Variants in CNOT6 observed in about 807,000 individuals in gnomAD.
CNOT6 encodes the protein CCR4-NOT transcription complex subunit 6.
Under a neutral mutation model 61.2 loss-of-function variants are expected in CNOT6, and 12 were observed. That is an observed-to-expected ratio of 0.20 (90% CI 0.13 to 0.32). The LOEUF (loss-of-function observed/expected upper bound fraction) is 0.32, where lower values mean the gene tolerates loss of function less well. Among genes scored for constraint, CNOT6 ranks in the 10% least tolerant of loss-of-function variants. The pLI, the probability that CNOT6 is intolerant of heterozygous loss-of-function variation, is 1.00. For synonymous variants in CNOT6, 225 were observed against 240.6 expected (o/e 0.94, Z 0.60); for missense variants, 405 against 663.9 (o/e 0.61, Z 4.28).
At chr5:180,513,249 G>A (rs1415149097) in intron 1 of CNOT6, among the ~76,000 whole-genome samples, 1 of 152,072 alleles carries the variant, frequency 6.6e-6, no homozygotes, top group East Asian at 1.9e-4. Flanking sequence ...GAGTGCAGTG[G>A]CACAATCAAG....
chr5:180,510,035 T>C (rs1757313149), intron 1 of CNOT6, among the ~76,000 whole-genome samples: 1 of 151,806 alleles, frequency 6.6e-6, no homozygotes, highest in Admixed American at 6.6e-5. Flanking sequence ...AGAAGCTTTT[T>C]GTTGTTGCTG....
intron 2 of CNOT6, among the ~76,000 whole-genome samples, chr5:180,538,660 A>G (rs981343512): frequency 3.9e-4 from 58 of 146,900 alleles, no homozygotes; most frequent in Admixed American, 2.5e-3. Flanking sequence ...CCTGGGCGAC[A>G]GAGCGAGACT....
chr5:180,551,759 C>G (rs1163865035), intron 3 of CNOT6, among the ~76,000 whole-genome samples: 2 of 152,126 alleles, frequency 1.3e-5, no homozygotes, highest in Non-Finnish European at 2.9e-5. Flanking sequence ...GTCTTTGCCT[C>G]TATTGCTCCT....
chr5:180,552,438 G>A (rs575484779), intron 3 of CNOT6, among the ~76,000 whole-genome samples: 114 of 151,754 alleles, frequency 7.5e-4, no homozygotes, highest in East Asian at 3.6e-3. Flanking sequence ...TCTGGAGATC[G>A]AGACCATCCT....
chr5:180,502,392 G>A (rs964813713), intron 1 of CNOT6, among the ~76,000 whole-genome samples: 15 of 152,040 alleles, frequency 9.9e-5, no homozygotes, highest in African/African-American at 2.7e-4. Flanking sequence ...CCTCATTAGC[G>A]GTAGAGATTA....
At chr5:180,503,262 C>CTTT (rs66503357) in intron 1 of CNOT6, among the ~76,000 whole-genome samples, 10 of 133,848 alleles carry the variant, frequency 7.5e-5, no homozygotes, top group African/African-American at 1.4e-4. Flanking sequence ...TTGTATTTTT[C>CTTT]TTTTTTTTTT....
intron 1 of CNOT6, among the ~76,000 whole-genome samples, chr5:180,513,625 G>A (rs1035059185): frequency 1.3e-4 from 19 of 151,962 alleles, no homozygotes; most frequent in African/African-American, 4.3e-4. Flanking sequence ...ACCCGCCTCC[G>A]CCTCCCAAAG....
In CNOT6 at chr5:180,565,988, CAG is replaced by C. The variant is rs1477189851; in HGVS notation, c.717+13_717+14del. ...ATCGTAAGTCTTCAGGTAAGTCAGACAGAAGACAGTCAACCTAGCATTGATAA... is the reference window on the plus strand; with the variant it reads ...ATCGTAAGTCTTCAGGTAAGTCAGACAAGACAGTCAACCTAGCATTGATAA... On this transcript the variant is annotated intron_variant, in intron 7 of 11. Coordinates refer to ENST00000261951, the MANE Select transcript of CNOT6 (RefSeq NM_001370472.1). The C allele has an allele frequency of 2.5e-6, 4 of 1,607,066 alleles. No homozygotes were observed. Among genetic ancestry groups the C allele is most frequent in the Non-Finnish European group, 2.6e-6 (3 of 1,175,916 alleles).
At chr5:180,550,398 C>T (rs1350855743) in intron 3 of CNOT6, among the ~76,000 whole-genome samples, 6 of 151,548 alleles carry the variant, frequency 4.0e-5, no homozygotes, top group Non-Finnish European at 7.4e-5. Flanking sequence ...GGCAGTGAGC[C>T]GAGATCACAC....
Position 180,576,562 on chromosome 5 carries a change from A to G in CNOT6, c.*2362A>G, listed in dbSNP as rs1761008082. On this transcript the variant is annotated 3_prime_UTR_variant, in exon 12 of 12. Coordinates refer to ENST00000261951, the MANE Select transcript of CNOT6 (RefSeq NM_001370472.1). ...TACTTGTTTTGCCTCTTCCAGGCATACTGCATTCTGTGGATCAGTTTGAAC... is the reference window on the plus strand; with the variant it reads ...TACTTGTTTTGCCTCTTCCAGGCATGCTGCATTCTGTGGATCAGTTTGAAC... The G allele has an allele frequency of 6.6e-6, 1 of 152,654 alleles. No individual in the cohort carries two copies. The highest frequency in any genetic ancestry group is 6.5e-5 in the Admixed American group (1 of 15,282). 9.5% of individuals were successfully genotyped at this position (152,654 alleles called of 1,614,324 possible). A position where few individuals can be genotyped will look rare whatever the true frequency, so the allele number is the denominator to read the frequency against.
chr5:180,520,774 A>G (rs1032174962), intron 1 of CNOT6, among the ~76,000 whole-genome samples: 9 of 152,104 alleles, frequency 5.9e-5, no homozygotes, highest in African/African-American at 1.9e-4. Flanking sequence ...TTTCTTTTCC[A>G]TATAGCTTGT....
chr5:180,515,586 G>T (rs1009425087), intron 1 of CNOT6, among the ~76,000 whole-genome samples: 1 of 152,168 alleles, frequency 6.6e-6, no homozygotes, highest in African/African-American at 2.4e-5. Flanking sequence ...GCAGTGTGGG[G>T]AGGATGTGTA....
At chr5:180,552,730 G>A (rs945759579) in intron 3 of CNOT6, among the ~76,000 whole-genome samples, 4 of 151,906 alleles carry the variant, frequency 2.6e-5, no homozygotes, top group African/African-American at 4.8e-5. Context: ...TTCTTTCCCC[G>A]CGTGTCCCCC....
chr5:180,559,649 C>T (rs1431440230), intron 4 of CNOT6, among the ~76,000 whole-genome samples: 2 of 151,868 alleles, frequency 1.3e-5, no homozygotes, highest in African/African-American at 2.4e-5. Flanking sequence ...TTTTTGTTTT[C>T]TGTTTCTTCA....
At chr5:180,547,101 C>A (rs957260037) in intron 2 of CNOT6, among the ~76,000 whole-genome samples, 1 of 152,112 alleles carries the variant, frequency 6.6e-6, no homozygotes, top group East Asian at 1.9e-4. Context: ...CAGAAAGTTG[C>A]AGGTTTTGGA....
chr5:180,513,732 G>A (rs1757506187), intron 1 of CNOT6, among the ~76,000 whole-genome samples: 1 of 147,646 alleles, frequency 6.8e-6, no homozygotes. Flanking sequence ...AGATGGAGTC[G>A]TGCTCTGCTG....
intron 1 of CNOT6, among the ~76,000 whole-genome samples, chr5:180,516,554 A>T (rs1757646180): frequency 6.6e-6 from 1 of 152,204 alleles, no homozygotes; most frequent in Non-Finnish European, 1.5e-5. Context: ...TTTCCCTTGA[A>T]GAAAATCTGG....
intron 4 of CNOT6, among the ~76,000 whole-genome samples, chr5:180,554,159 T>C (rs1040149021): frequency 6.6e-6 from 1 of 152,176 alleles, no homozygotes; most frequent in African/African-American, 2.4e-5. Flanking sequence ...GGCTCACACC[T>C]GTAATCACAA....
intron 2 of CNOT6, among the ~76,000 whole-genome samples, chr5:180,542,416 C>T (rs774069156): frequency 1.3e-4 from 20 of 152,272 alleles, no homozygotes; most frequent in Middle Eastern, 3.4e-3. Context: ...AGGCCCGCGC[C>T]ACCACACCCA....
Sources: gnomAD v4.1 joint callset for allele counts (sites outside exome capture counted in the v4.1 genomes callset) on GRCh38, gnomAD v4.1.1 for gene constraint, MANE v1.5 for transcripts, NCBI Gene and HGNC (gene_info 2026-07-23, HGNC 2026-07-21) for gene names.